Variants in ITGA2B observed in about 807,000 individuals in gnomAD.
ITGA2B encodes the protein integrin subunit alpha 2b, also known as integrin alpha-IIb.
Under a neutral mutation model 142.0 loss-of-function variants are expected in ITGA2B, and 91 were observed. The ratio of observed to expected loss-of-function variants is 0.64; its 90% CI spans 0.54 to 0.76. ITGA2B has a LOEUF of 0.76. Ranked by LOEUF, ITGA2B falls within the 30% of genes least tolerant of loss-of-function variation. The probability of loss-of-function intolerance (pLI) is 0.00; values close to 1 mark genes in which losing one functional copy is unlikely to be tolerated. For synonymous variants in ITGA2B, 536 were observed against 567.2 expected, an observed-to-expected ratio of 0.94 and a Z score of 0.78; for missense variants, 1,231 against 1,350.8, an observed-to-expected ratio of 0.91 and a Z score of 1.39.
At chr17:44,375,555 G>C in intron 26 of ITGA2B, 36 bp downstream of exon 26, 1 of 1,609,996 alleles carries the variant, frequency 6.2e-7, no homozygotes, top group African/African-American at 1.3e-5. Flanking sequence ...CGTGGGTCCC[G>C]GGGAGGCCGG....
Position 44,385,597 on chromosome 17 carries a change from G to A in ITGA2B, c.528C>T (p.Pro176=). The part of the protein sequence containing the change: ...PESGRRAEYS[P]CRGNTLSRIY... ...TGCGGCTCAGGGTGTTCCCGCGACA[G>A]GGGGAGTACTCGGCGCGGCGGCCGC... The change falls in exon 4 of 30, where the codon CCC becomes CCT. Residue 176 remains proline, a synonymous_variant. Coordinates refer to ENST00000262407, the MANE Select transcript of ITGA2B (RefSeq NM_000419.5). The A allele has an allele frequency of 2.5e-6, 4 of 1,610,822 alleles. No individual in the cohort carries two copies. The highest frequency in any genetic ancestry group is 3.4e-6 in the Non-Finnish European group (4 of 1,179,340).
chr17:44,377,671 C>A, intron 21 of ITGA2B, 27 bp downstream of exon 21: 1 of 1,576,328 alleles, frequency 6.3e-7, no homozygotes, highest in South Asian at 1.1e-5. Flanking sequence ...CTGGTGGAGA[C>A]CCGGTACCAC....
Position 44,377,808 on chromosome 17 carries a change from C to T in ITGA2B, c.2095-18G>A. 2.1e-6 allele frequency: 3 copies of T among 1,418,828 alleles called. No homozygotes were observed. Among genetic ancestry groups the T allele is most frequent in the Non-Finnish European group, 2.9e-6 (3 of 1,049,634 alleles). The allele number at this position is 1,418,828 out of a possible 1,614,324, so 87.9% of individuals were successfully genotyped here. A position where few individuals can be genotyped will look rare whatever the true frequency, so the allele number is the denominator to read the frequency against. On this transcript the variant is annotated intron_variant, in intron 20 of 29. Coordinates refer to ENST00000262407, the MANE Select transcript of ITGA2B (RefSeq NM_000419.5). ...TCAAAGCCCTTCAGGAAGGCAGTTC[C>T]AAGAAAGAAATTACAGAGCATCATA...
At position 44,374,149 on chromosome 17, in the gene ITGA2B, A is replaced by G. The variant is rs1161215910; in HGVS notation, c.3060+205T>C. On this transcript the variant is annotated intron_variant, in intron 29 of 29. Transcript: ENST00000262407. ...TCGAACTCTTGACCTCAGGTGATCT[A>G]AACGCTTTGGCCTCCCAAAGTGCTG... 3 of 601,092 alleles carry G rather than the reference A, an allele frequency of 5.0e-6. No homozygotes were observed. In the Admixed American group the frequency reaches 7.5e-5, roughly 15 times the overall value. 37.2% of individuals were successfully genotyped at this position (601,092 alleles called of 1,614,324 possible). A position where few individuals can be genotyped will look rare whatever the true frequency, so the allele number is the denominator to read the frequency against.
intron 12 of ITGA2B, among the ~76,000 whole-genome samples, chr17:44,381,518 CG>C (rs1230930886): frequency 1.3e-5 from 2 of 151,822 alleles, no homozygotes; most frequent in Non-Finnish European, 2.9e-5. Context: ...TCAGTAGAGA[CG>C]GGGTTTCACC....
At chr17:44,378,587 A>G (rs2048565795) in intron 19 of ITGA2B, 56 bp downstream of exon 19, 1 of 1,594,452 alleles carries the variant, frequency 6.3e-7, no homozygotes, top group South Asian at 1.1e-5. Flanking sequence ...TAAGGTGTGG[A>G]GCAGGTATGA....
intron 12 of ITGA2B, among the ~76,000 whole-genome samples, chr17:44,383,042 G>C (rs1042924884): frequency 1.3e-5 from 2 of 151,952 alleles, no homozygotes; most frequent in Admixed American, 6.6e-5. Flanking sequence ...GGATATTTCC[G>C]CCTAAAGCAC....
rs1362620442 is a variant in ITGA2B at position 44,375,670 on chromosome 17, G to A, written c.2648C>T (p.Ala883Val). The A allele has an allele frequency of 6.2e-7, 1 of 1,608,682 alleles. No individual in the cohort carries two copies. The highest frequency in any genetic ancestry group is 8.5e-7 in the Non-Finnish European group (1 of 1,177,840). ...CTGTCTGCGATCCCGCTTGTGATGG[G>A]CCGGGTGAATGGGGGAGGGGCTGGG... is the stretch of plus-strand genomic sequence containing the variant. ...PIPSPSPIHP[A>V]HHKRDRRQIF... The change falls in exon 26 of 30, where the codon GCC becomes GTC. Residue 883 changes from alanine (A) to valine (V), a missense_variant. This residue lies in a region of ITGA2B where 908 missense variants were observed against 1,021.1 expected (regional missense o/e 0.89). Transcript: ENST00000262407.
At chr17:44,380,535 C>T in intron 14 of ITGA2B, 45 bp from the exon 15 acceptor site, 1 of 1,613,924 alleles carries the variant, frequency 6.2e-7, no homozygotes, top group African/African-American at 1.3e-5. Context: ...TGTGGCTCCT[C>T]CTGGCCTGGC....
chr17:44,381,425 G>A (rs1040377310), intron 12 of ITGA2B, among the ~76,000 whole-genome samples: 11 of 151,266 alleles, frequency 7.3e-5, no homozygotes, highest in South Asian at 2.1e-4. Flanking sequence ...TGCCTCCCCC[G>A]TTAAAGTGAT....
chr17:44,385,088 G>C lies in ITGA2B; in HGVS notation c.671-12C>G, dbSNP rs1308678715. ...CTGGGCCAGGAGACCTAGGGCGGGA[G>C]GGACAGCGGGTGTGAAGCCCAAAGC... On this transcript the variant is annotated splice_polypyrimidine_tract_variant and intron_variant, in intron 6 of 29. Transcript: ENST00000262407. The C allele has an allele frequency of 6.2e-7, 1 of 1,614,014 alleles. No individual in the cohort carries two copies. The highest frequency in any genetic ancestry group is 1.3e-5 in the African/African-American group (1 of 74,926).
intron 12 of ITGA2B, 113 bp from the exon 13 acceptor site, chr17:44,381,174 A>G (rs2048594468): frequency 6.7e-6 from 7 of 1,046,662 alleles, no homozygotes; most frequent in South Asian, 1.6e-5. Flanking sequence ...AAAGGGGTGC[A>G]AAGTGTGGGT....
In ITGA2B at chr17:44,385,916, C is replaced by T. The variant is rs775401384; in HGVS notation, c.316G>A (p.Glu106Lys). ...GTTTGGGAGCCTACATTTCGGGTCT[C>T]ATCACCTGGAAGGCACAAGAAGGGG... The part of the protein sequence containing the change: ...CPSLLFDLRD[E>K]TRNVGSQTLQ... Residue 106 changes from glutamate (E) to lysine (K), a missense_variant, in exon 3 of 30, where the codon GAG (glutamate) becomes AAG (lysine). Transcript: ENST00000262407. 3.5e-5 allele frequency: 57 copies of T among 1,613,184 alleles called. 1 individual carries two copies. The Middle Eastern group carries it at 8.2e-4, about 23-fold the overall frequency.
Position 44,375,053 on chromosome 17 carries a change from CCG to C in ITGA2B, c.2784_2785del (p.Gly929AlafsTer106), listed in dbSNP as rs774105556. ...CAGCACCGTGACCATGGCCCGCTGC[CCG>C]CGCGCCATCTCCTGCAGGTCACACT... On this transcript the variant is annotated frameshift_variant, in exon 27 of 30. Coordinates refer to ENST00000262407, the MANE Select transcript of ITGA2B (RefSeq NM_000419.5). LOFTEE classifies it high-confidence loss of function. The C allele has an allele frequency of 6.5e-7, 1 of 1,547,542 alleles. No individual in the cohort carries two copies. The highest frequency in any genetic ancestry group is 1.2e-5 in the South Asian group (1 of 84,048).
In ITGA2B at chr17:44,384,939, C is replaced by T; in HGVS notation, c.799+9G>A. 2 of 1,613,906 alleles carry T rather than the reference C, an allele frequency of 1.2e-6. No individual in the cohort carries two copies. Among genetic ancestry groups the T allele is most frequent in the Non-Finnish European group, 1.7e-6 (2 of 1,179,976 alleles). ...TCGGGGTGCTGGAAGTCTGGAATGG[C>T]GGTGTTACCCCAGTAGCCGTCGAAG... On this transcript the variant is annotated intron_variant, in intron 7 of 29. Transcript: ENST00000262407.
rs201355504 is a variant in ITGA2B, at chr17:44,380,821, C to T, written c.1393+58G>A. The T allele has an allele frequency of 6.2e-6, 10 of 1,607,344 alleles. No homozygotes were observed. In the East Asian group the frequency reaches 2.2e-4, roughly 36 times the overall value. On this transcript the variant is annotated intron_variant, in intron 13 of 29. Transcript: ENST00000262407. ...CCCCTGGCCGTGTCTCTTGGCACTT[C>T]CAGCGAATGTCCAAGGGCCTTTCTT...
chr17:44,376,113 CA>C lies in ITGA2B; in HGVS notation c.2419del (p.Trp807GlyfsTer19). On this transcript the variant is annotated frameshift_variant, in exon 24 of 30. Transcript: ENST00000262407. LOFTEE classifies it high-confidence loss of function. ...ATAGGTGTGCTCCACTTTGGGTCCCCAGCTGTCCAAGCTGTTCTGCTCCCTC... is the reference window on the plus strand; with the variant it reads ...ATAGGTGTGCTCCACTTTGGGTCCCCGCTGTCCAAGCTGTTCTGCTCCCTC... ...GEREQNSLDS[W>X]GPKVEHTYEL... is the part of the protein sequence containing the mutation. 3 of 1,614,156 alleles carry C rather than the reference CA, an allele frequency of 1.9e-6. No homozygotes were observed. Among genetic ancestry groups the C allele is most frequent in the Non-Finnish European group, 2.5e-6 (3 of 1,180,026 alleles).
chr17:44,380,114 C>T lies in ITGA2B; in HGVS notation c.1640G>A (p.Arg547His), dbSNP rs773737540. ...CAGCAGCAGCACCCGCCGGCCCTGG[C>T]GGGGCTTCTGCCGGTCCAGCTGCAG... ...AELQLDRQKP[R>H]QGRRVLLLGS... The change falls in exon 17 of 30, where the codon CGC becomes CAC. Residue 547 changes from arginine to histidine, a missense_variant. By Grantham distance (29) the Arg-to-His change is conservative (BLOSUM62 0). Around this residue, in one of 3 missense-constraint regions of ITGA2B, gnomAD observed 908 missense variants for 1,021.1 expected, o/e 0.89. Transcript: ENST00000262407. 6 of 1,613,876 alleles carry T rather than the reference C, an allele frequency of 3.7e-6. No homozygotes were observed. The highest frequency in any genetic ancestry group is 3.3e-5 in the Admixed American group (2 of 60,010).
Position 44,380,868 on chromosome 17 carries a change from G to T in ITGA2B, c.1393+11C>A. On this transcript the variant is annotated intron_variant, in intron 13 of 29. Transcript: ENST00000262407. ...TCTTGGGCATTTCTAGCTGGAGGCAGTCCAGGGCACCTGGGTATCCGTTGT... is the reference window on the plus strand; with the variant it reads ...TCTTGGGCATTTCTAGCTGGAGGCATTCCAGGGCACCTGGGTATCCGTTGT... 1 of 1,614,192 alleles carries T rather than the reference G, an allele frequency of 6.2e-7. No homozygotes were observed. The highest frequency in any genetic ancestry group is 8.5e-7 in the Non-Finnish European group (1 of 1,179,996).
Sources: allele counts gnomAD v4.1 joint callset (sites outside exome capture counted in the v4.1 genomes callset), GRCh38; gene constraint gnomAD v4.1.1; regional missense constraint gnomAD v4.1.1; transcripts MANE v1.5; gene names NCBI Gene and HGNC (gene_info 2026-07-23, HGNC 2026-07-21).